ATP2B2: variants seen among roughly 807,000 people sequenced by gnomAD.
ATP2B2 encodes ATPase plasma membrane Ca2+ transporting 2.
In ATP2B2, 15 loss-of-function variants were observed where a neutral mutation model predicts 120.0. That is an observed-to-expected ratio of 0.12 (90% CI 0.08 to 0.19). The LOEUF is 0.19. Among genes scored for constraint, ATP2B2 ranks in the 10% least tolerant of loss-of-function variants. The probability of loss-of-function intolerance (pLI) is 1.00; values close to 1 mark genes in which losing one functional copy is unlikely to be tolerated. For missense variants in ATP2B2, 1,045 were observed against 1,719.8 expected, an observed-to-expected ratio of 0.61 and a Z score of 6.94; for synonymous variants, 694 against 700.3, an observed-to-expected ratio of 0.99 and a Z score of 0.14.
At position 10,343,383 on chromosome 3, in the gene ATP2B2, A is replaced by AAACAGTGC. The variant is rs1292695434; in HGVS notation, c.2704-426_2704-419dup. 8.9e-6 allele frequency among the ~76,000 whole-genome samples: 1 copy of AAACAGTGC among 111,896 alleles called. No homozygotes were observed. The highest frequency in any genetic ancestry group is 1.8e-5 in the Non-Finnish European group (1 of 55,558). The allele number at this position is 111,896 out of a possible 152,430, so 73.4% of individuals were successfully genotyped here. On this transcript the variant is annotated intron_variant, in intron 18 of 22. Transcript: ENST00000360273. This position sits in a 1 kb window ranked among gnomAD's most constrained non-coding sequence, Gnocchi z 4.2. ...CTCCCCCTCGGGCTTTCTATCCTAC[A>AAACAGTGC]AACAGTGCCCGTCCCCCACCCCCCC...
intron 1 of ATP2B2, among the ~76,000 whole-genome samples, chr3:10,648,333 C>G (rs1489592223): frequency 1.3e-5 from 2 of 152,196 alleles, no homozygotes; most frequent in South Asian, 2.1e-4. Context: ...CTAACAGTTT[C>G]CTGGATTTCT....
At chr3:10,425,297 G>A (rs759246022) in intron 2 of ATP2B2, among the ~76,000 whole-genome samples, 3 of 151,118 alleles carry the variant, frequency 2.0e-5, no homozygotes, top group Non-Finnish European at 4.4e-5. Flanking sequence ...GTGACAGAGC[G>A]AGATGCTGTC....
At chr3:10,533,185 A>T (rs2067245344) in intron 3 of ATP2B2, among the ~76,000 whole-genome samples, 1 of 152,212 alleles carries the variant, frequency 6.6e-6, no homozygotes, top group African/African-American at 2.4e-5. Context: ...TCAGGAGCAC[A>T]GAGGAAGACA....
intron 2 of ATP2B2, among the ~76,000 whole-genome samples, chr3:10,601,632 C>A (rs2068923731): frequency 6.6e-6 from 1 of 152,240 alleles, no homozygotes; most frequent in Admixed American, 6.5e-5. Context: ...GGCTCCCAGT[C>A]TTCCCCCAGG....
At chr3:10,687,575 T>A (rs188580831) in intron 1 of ATP2B2, among the ~76,000 whole-genome samples, 2 of 152,268 alleles carry the variant, frequency 1.3e-5, no homozygotes, top group African/African-American at 2.4e-5. Flanking sequence ...AAAAGAGCCA[T>A]TGGACCCAGA....
intron 2 of ATP2B2, among the ~76,000 whole-genome samples, chr3:10,428,698 A>T (rs2063217662): frequency 6.6e-6 from 1 of 152,264 alleles, no homozygotes; most frequent in South Asian, 2.1e-4. Flanking sequence ...CAAGATGAAC[A>T]GAAGAAAGCA....
At chr3:10,557,427 T>C (rs1435405979) in intron 2 of ATP2B2, among the ~76,000 whole-genome samples, 2 of 152,204 alleles carry the variant, frequency 1.3e-5, no homozygotes, top group Admixed American at 6.5e-5. Context: ...AGGGAGTTTG[T>C]GCCCCTGCTG....
chr3:10,365,602 GTGT>G (rs2125474763), intron 12 of ATP2B2, among the ~76,000 whole-genome samples: 1 of 151,898 alleles, frequency 6.6e-6, no homozygotes, highest in South Asian at 2.1e-4. Context: ...GTGTGTGTGT[GTGT>G]GTGATGCATG....
intron 2 of ATP2B2, among the ~76,000 whole-genome samples, chr3:10,554,469 G>A (rs1466578753): frequency 6.6e-6 from 1 of 152,180 alleles, no homozygotes; most frequent in African/African-American, 2.4e-5. Flanking sequence ...TGGAATACAA[G>A]GACCTTTAAA....
chr3:10,563,558 A>T (rs1024538854), intron 2 of ATP2B2, among the ~76,000 whole-genome samples: 2 of 152,238 alleles, frequency 1.3e-5, no homozygotes, highest in Admixed American at 1.3e-4. Context: ...AGGGTGGGGA[A>T]GCCCAGAGGC....
At chr3:10,503,304 G>T (rs1022908462) in intron 1 of ATP2B2, among the ~76,000 whole-genome samples, 4 of 152,236 alleles carry the variant, frequency 2.6e-5, no homozygotes, top group Admixed American at 2.6e-4. Context: ...GGTGGGGCCA[G>T]TCTGGGCTCC....
chr3:10,664,407 C>T (rs979956387), intron 1 of ATP2B2, among the ~76,000 whole-genome samples: 3 of 152,150 alleles, frequency 2.0e-5, no homozygotes, highest in Non-Finnish European at 4.4e-5. Flanking sequence ...AAGCCCCTCT[C>T]GCCTGGCCCC....
chr3:10,549,071 T>C (rs1486515958), intron 2 of ATP2B2, among the ~76,000 whole-genome samples: 1 of 152,216 alleles, frequency 6.6e-6, no homozygotes, highest in Non-Finnish European at 1.5e-5. Flanking sequence ...GCACTGGCTC[T>C]GGGATTGTGG....
At chr3:10,438,832 A>G (rs2063559544) in intron 2 of ATP2B2, among the ~76,000 whole-genome samples, 1 of 152,334 alleles carries the variant, frequency 6.6e-6, no homozygotes, top group East Asian at 1.9e-4. Flanking sequence ...GCCTGCAGTT[A>G]TACAGCAACA....
At chr3:10,444,706 G>A (rs2063780361) in intron 2 of ATP2B2, among the ~76,000 whole-genome samples, 1 of 152,196 alleles carries the variant, frequency 6.6e-6, no homozygotes, top group African/African-American at 2.4e-5. Flanking sequence ...GTGGGTGCAG[G>A]TGTCAGGAAG....
At chr3:10,533,503 A>T (rs191576719) in intron 3 of ATP2B2, among the ~76,000 whole-genome samples, 1 of 152,272 alleles carries the variant, frequency 6.6e-6, no homozygotes, top group East Asian at 1.9e-4. Flanking sequence ...CCAGCTGCCA[A>T]GCTCTCAATA....
rs752380448 is a variant in ATP2B2, at chr3:10,400,990, C to T, written c.744G>A (p.Val248=). The T allele has an allele frequency of 6.2e-7, 1 of 1,614,176 alleles. No individual in the cohort carries two copies. Among genetic ancestry groups the T allele is most frequent in the South Asian group, 1.1e-5 (1 of 91,080 alleles). The part of the protein sequence containing the change: ...ESSLTGESDQ[V]RKSVDKDPML... ...TGGGGTCCTTGTCCACGGACTTGCG[C>T]ACCTGGTCAGACTCTCCAGTTAGGG... Residue 248 remains valine (V), a synonymous_variant, in exon 5 of 23, where the codon GTG becomes GTA. Transcript: ENST00000360273.
At chr3:10,481,306 C>G (rs758708712) in intron 1 of ATP2B2, among the ~76,000 whole-genome samples, 2 of 152,110 alleles carry the variant, frequency 1.3e-5, no homozygotes, top group South Asian at 4.1e-4. Flanking sequence ...TCCCTCACCC[C>G]ACCCCCTCTC....
chr3:10,496,274 G>C lies in ATP2B2; in HGVS notation c.-320+9191C>G, dbSNP rs1310684292. On this transcript the variant is annotated intron_variant, in intron 1 of 22. Transcript: ENST00000360273. ...GTGGACACTGTTGGTGCCCACCCTA[G>C]TCCTCCTTACCGGTCTGCAGCTTCC... Among the ~76,000 whole-genome samples the C allele has an allele frequency of 7.2e-5, 11 of 152,288 alleles. No individual in the cohort carries two copies. In the East Asian group the frequency reaches 2.1e-3, roughly 29 times the overall value.
Sources: allele counts gnomAD v4.1 joint callset (sites outside exome capture counted in the v4.1 genomes callset), GRCh38; gene constraint gnomAD v4.1.1; non-coding constraint Gnocchi (gnomAD v3.1); transcripts MANE v1.5; gene names NCBI Gene and HGNC (gene_info 2026-07-23, HGNC 2026-07-21).